The following ZNF862 variants were observed in gnomAD, a reference collection of about 807,000 sequenced individuals.
The protein encoded by ZNF862 is zinc finger protein 862.
ZNF862 carries 64 observed loss-of-function variants against 91.1 expected under a neutral mutation model. The observed-to-expected ratio is 0.70, with a 90% confidence interval of 0.57 to 0.87. ZNF862 has a LOEUF of 0.87. Among genes scored for constraint, ZNF862 ranks in the 40% least tolerant of loss-of-function variants. The pLI, the probability that ZNF862 is intolerant of heterozygous loss-of-function variation, is 0.00. For missense variants in ZNF862, 1,459 were observed against 1,528.0 expected, an observed-to-expected ratio of 0.95 and a Z score of 0.75; for synonymous variants, 631 against 618.1, an observed-to-expected ratio of 1.02 and a Z score of -0.31.
rs201154302 is a variant in ZNF862, at chr7:149,861,247, C to T, written c.2087C>T (p.Thr696Met). The change falls in exon 7 of 8, where the codon ACG becomes ATG. Residue 696 changes from threonine (T) to methionine (M), a missense_variant. By Grantham distance (81) the Thr-to-Met change is moderately conservative (BLOSUM62 -1). Coordinates refer to ENST00000223210, the MANE Select transcript of ZNF862 (RefSeq NM_001099220.3). This position sits in a 1 kb window ranked among gnomAD's most constrained non-coding sequence, Gnocchi z 6.7. Reference protein sequence around the residue: ...RKPGWVVGLGTDGSAMLSCRG... With the variant: ...RKPGWVVGLGMDGSAMLSCRG... ...CCTGGCTGGGTGGTGGGGCTGGGGA[C>T]GGATGGCTCAGCCATGTTGAGCTGC... The T allele has an allele frequency of 9.6e-4, 1,553 of 1,611,904 alleles. 10 individuals are homozygous for T. In the African/African-American group the frequency reaches 0.018, roughly 18 times the overall value.
intron 2 of ZNF862, 134 bp from the exon 3 acceptor site, chr7:149,846,017 T>C (rs1164329219): frequency 1.5e-6 from 1 of 651,568 alleles, no homozygotes; most frequent in Non-Finnish European, 2.7e-6. Context: ...AGACTCCTAC[T>C]TTCCTCCTTG....
At position 149,862,394 on chromosome 7, in the gene ZNF862, C is replaced by T. The variant is rs370964899; in HGVS notation, c.3234C>T (p.Tyr1078=). The change falls in exon 7 of 8, where the codon TAC becomes TAT. Residue 1078 remains tyrosine, a synonymous_variant. Transcript: ENST00000223210. The part of the protein sequence containing the change: ...TAVNGVAVTE[Y]DPQPAIQHWY... ...TGAACGGCGTGGCCGTCACGGAGTACGACCCCCAGCCCGCCATCCAGCACT... is the reference window on the plus strand; with the variant it reads ...TGAACGGCGTGGCCGTCACGGAGTATGACCCCCAGCCCGCCATCCAGCACT... 3.3e-5 allele frequency: 54 copies of T among 1,612,080 alleles called. No individual in the cohort carries two copies. The highest frequency in any genetic ancestry group is 2.8e-4 in the Admixed American group (17 of 59,846).
Position 149,861,544 on chromosome 7 carries a change from G to A in ZNF862, c.2384G>A (p.Arg795His). 6.9e-6 allele frequency: 11 copies of A among 1,599,292 alleles called. No homozygotes were observed. Among genetic ancestry groups the A allele is most frequent in the Non-Finnish European group, 9.4e-6 (11 of 1,174,438 alleles). ...NAVRWVASRR[R>H]TLHALLVSWP... Reference sequence around the variant, plus strand: ...GTCCGCTGGGTGGCCAGCAGGAGGCGCACGCTGCACGCGCTGCTCGTGAGC... The same window carrying A: ...GTCCGCTGGGTGGCCAGCAGGAGGCACACGCTGCACGCGCTGCTCGTGAGC... Residue 795 changes from arginine to histidine, a missense_variant, in exon 7 of 8, where the codon CGC (arginine) becomes CAC (histidine). Physicochemically the swap from Arg to His is conservative, Grantham distance 29. Coordinates refer to ENST00000223210, the MANE Select transcript of ZNF862 (RefSeq NM_001099220.3). The surrounding 1 kb of genome is among the most constrained non-coding windows in gnomAD (Gnocchi z 6.7).
chr7:149,838,983 A>G (rs561477211), intron 1 of ZNF862, among the ~76,000 whole-genome samples: 2 of 152,284 alleles, frequency 1.3e-5, no homozygotes, highest in South Asian at 4.1e-4. Context: ...TGGAGTCTGG[A>G]TCGGACGCCA....
At position 149,848,390 on chromosome 7, in the gene ZNF862, C is replaced by T. The variant is rs976801876; in HGVS notation, c.897C>T (p.Asp299=). The change falls in exon 4 of 8, where the codon GAC becomes GAT. Residue 299 remains aspartate (D), a synonymous_variant. Transcript: ENST00000223210. ...EITDGIHSSS[D]INILYNDAVE... is the part of the protein sequence containing the mutation. Reference sequence around the variant, plus strand: ...CTGATGGCATCCACAGCTCCTCAGACATTAATATTTTATATAATGATGCAG... The same window carrying T: ...CTGATGGCATCCACAGCTCCTCAGATATTAATATTTTATATAATGATGCAG... 1.1e-5 allele frequency: 17 copies of T among 1,586,990 alleles called. No homozygotes were observed. The Admixed American group carries it at 2.5e-4, about 23-fold the overall frequency.
intron 5 of ZNF862, 45 bp from the exon 6 acceptor site, chr7:149,859,377 T>C: frequency 1.3e-6 from 2 of 1,496,930 alleles, no homozygotes; most frequent in Non-Finnish European, 9.1e-7. Context: ...CTACTCGATT[T>C]GGCCACAGCA....
chr7:149,840,692 G>C (rs1041488045), intron 1 of ZNF862, among the ~76,000 whole-genome samples: 1 of 150,518 alleles, frequency 6.6e-6, no homozygotes, highest in African/African-American at 2.5e-5. Flanking sequence ...GTTTAGATAC[G>C]CAAATACTTA....
At chr7:149,859,243 C>G (rs1434679852) in intron 5 of ZNF862, 179 bp from the exon 6 acceptor site, 2 of 637,130 alleles carry the variant, frequency 3.1e-6, no homozygotes, top group Admixed American at 2.4e-5. Context: ...GGCTGCCCCT[C>G]CCCTTACTGC....
At position 149,862,492 on chromosome 7, in the gene ZNF862, CAAGT is replaced by C. The variant is rs746471743; in HGVS notation, c.3334+4_3334+7del. 2 of 1,580,662 alleles carry C rather than the reference CAAGT, an allele frequency of 1.3e-6. No individual in the cohort carries two copies. Among genetic ancestry groups the C allele is most frequent in the Admixed American group, 3.4e-5 (2 of 58,744 alleles). ...GCCCAGGTGCCAGCCCGCTCCCCTG[CAAGT>C]AAGTACACGTGGCAGAGCTCCCCCA... On this transcript the variant is annotated splice_donor_variant and coding_sequence_variant, in exon 7 of 8. Coordinates refer to ENST00000223210, the MANE Select transcript of ZNF862 (RefSeq NM_001099220.3). LOFTEE classifies it high-confidence loss of function.
At chr7:149,849,547 C>T (rs559860496) in intron 4 of ZNF862, among the ~76,000 whole-genome samples, 7 of 152,350 alleles carry the variant, frequency 4.6e-5, no homozygotes, top group Non-Finnish European at 8.8e-5. Flanking sequence ...GAGAATAGCT[C>T]GGAGGTTCCT....
At chr7:149,844,320 C>A (rs1801799572) in intron 1 of ZNF862, among the ~76,000 whole-genome samples, 2 of 152,180 alleles carry the variant, frequency 1.3e-5, no homozygotes, top group African/African-American at 2.4e-5. Flanking sequence ...TGTTGCCCAG[C>A]CCCTGGCTGA....
rs757471385 is a variant in ZNF862 at position 149,860,941 on chromosome 7, G to A, written c.1781G>A (p.Arg594His). The A allele has an allele frequency of 2.4e-5, 38 of 1,613,658 alleles. No homozygotes were observed. Among genetic ancestry groups the A allele is most frequent in the Non-Finnish European group, 2.9e-5 (34 of 1,179,830 alleles). ...STGTVILGKYRNRTACTQFIK... is the reference protein window; with the variant it reads ...STGTVILGKYHNRTACTQFIK... ...GGGACCGTGATATTAGGCAAGTACCGCAATCGCACGGCGTGCACTCAGTTC... is the reference window on the plus strand; with the variant it reads ...GGGACCGTGATATTAGGCAAGTACCACAATCGCACGGCGTGCACTCAGTTC... Residue 594 changes from arginine (R) to histidine (H), a missense_variant, in exon 7 of 8, where the codon CGC (arginine) becomes CAC (histidine). Coordinates refer to ENST00000223210, the MANE Select transcript of ZNF862 (RefSeq NM_001099220.3).
chr7:149,850,196 T>TGTGGTGTTTGAGGAGCTGCCG lies in ZNF862; in HGVS notation c.984_1004dup (p.Glu330_Glu336dup). On this transcript the variant is annotated inframe_insertion, in exon 5 of 8. Transcript: ENST00000223210. This position sits in a 1 kb window ranked among gnomAD's most constrained non-coding sequence, Gnocchi z 4.2. ...CAGAGGGGCTGTCGGAGGAGGTTCC[T>TGTGGTGTTTGAGGAGCTGCCG]GTGGTGTTTGAGGAGCTGCCGGTGG... The TGTGGTGTTTGAGGAGCTGCCG allele has an allele frequency of 4.4e-6, 7 of 1,592,726 alleles. No individual in the cohort carries two copies. Among genetic ancestry groups the TGTGGTGTTTGAGGAGCTGCCG allele is most frequent in the Non-Finnish European group, 6.0e-6 (7 of 1,169,604 alleles).
intron 3 of ZNF862, 81 bp from the exon 4 acceptor site, chr7:149,847,654 G>C: frequency 1.2e-6 from 1 of 856,174 alleles, no homozygotes; most frequent in Non-Finnish European, 1.8e-6. Flanking sequence ...TTCATATTTG[G>C]TGTACCTCAG....
Position 149,864,106 on chromosome 7 carries a change from C to T in ZNF862, c.3335-3C>T, listed in dbSNP as rs769424649. ...TAATTGTATTCTCCTTCCTCCCTCA[C>T]AGGCGCCAGGCTCAGGAAGGAGGAG... is the stretch of plus-strand genomic sequence containing the variant. On this transcript the variant is annotated splice_region_variant and splice_polypyrimidine_tract_variant and intron_variant, in intron 7 of 7. Coordinates refer to ENST00000223210, the MANE Select transcript of ZNF862 (RefSeq NM_001099220.3). The T allele has an allele frequency of 1.0e-5, 16 of 1,572,470 alleles. No homozygotes were observed. The highest frequency in any genetic ancestry group is 1.8e-4 in the Middle Eastern group (1 of 5,440).
chr7:149,861,455 C>A lies in ZNF862; in HGVS notation c.2295C>A (p.Asn765Lys), dbSNP rs372795148. 6.2e-7 allele frequency: 1 copy of A among 1,613,486 alleles called. No homozygotes were observed. The change falls in exon 7 of 8, where the codon AAC (asparagine) becomes AAA (lysine). Residue 765 changes from asparagine to lysine, a missense_variant. Asn to Lys is a moderately conservative substitution (Grantham distance 94, BLOSUM62 0). Transcript: ENST00000223210. This position sits in a 1 kb window ranked among gnomAD's most constrained non-coding sequence, Gnocchi z 6.7. ...ATCAGTCCTCAAACAAGAGGCTGAA[C>A]GAGCTGCAGGAAGGTGCGGCGCCTC... ...KFYQSSNKRL[N>K]ELQEGAAPLE... is the part of the protein sequence containing the mutation.
At chr7:149,846,818 T>C (rs1801889034) in intron 3 of ZNF862, among the ~76,000 whole-genome samples, 1 of 152,236 alleles carries the variant, frequency 6.6e-6, no homozygotes, top group South Asian at 2.1e-4. Flanking sequence ...TTGTTTTCCC[T>C]TGTGATTTCT....
rs542144063 is a variant in ZNF862 at position 149,863,981 on chromosome 7, A to G, written c.3335-128A>G. 3.4e-6 allele frequency: 3 copies of G among 885,864 alleles called. No individual in the cohort carries two copies. The South Asian group carries it at 5.3e-5, about 16-fold the overall frequency. The allele number at this position is 885,864 out of a possible 1,614,324, so 54.9% of individuals were successfully genotyped here. A position where few individuals can be genotyped will look rare whatever the true frequency, so the allele number is the denominator to read the frequency against. On this transcript the variant is annotated intron_variant, in intron 7 of 7. Transcript: ENST00000223210. Reference sequence around the variant, plus strand: ...GTAGCAACAGATGAGGGCTGCAAAGAGCAGTCGTGGTCCTGACTTCAGTCT... The same window carrying G: ...GTAGCAACAGATGAGGGCTGCAAAGGGCAGTCGTGGTCCTGACTTCAGTCT...
rs934909307 is a variant in ZNF862, at chr7:149,865,692, G to T, written c.*1408G>T. On this transcript the variant is annotated 3_prime_UTR_variant, in exon 8 of 8. Coordinates refer to ENST00000223210, the MANE Select transcript of ZNF862 (RefSeq NM_001099220.3). ...GGAAATGAGGCAAGTCAGCAGGCAG[G>T]GTTTCTCTGCCCTGCCTGATACTTG... The T allele has an allele frequency of 7.2e-5, 11 of 152,172 alleles. No individual in the cohort carries two copies. The highest frequency in any genetic ancestry group is 2.4e-4 in the African/African-American group (10 of 41,410). The allele number at this position is 152,172 out of a possible 1,614,324, so 9.4% of individuals were successfully genotyped here.
Sources: allele counts gnomAD v4.1 joint callset (sites outside exome capture counted in the v4.1 genomes callset), GRCh38; gene constraint gnomAD v4.1.1; non-coding constraint Gnocchi (gnomAD v3.1); transcripts MANE v1.5; gene names NCBI Gene and HGNC (gene_info 2026-07-23, HGNC 2026-07-21).